The following CIC variants were observed in gnomAD, a reference collection of about 807,000 sequenced individuals.
The protein encoded by CIC is protein capicua homolog.
CIC carries 18 observed loss-of-function variants against 115.7 expected under a neutral mutation model. The observed-to-expected ratio is 0.16, with a 90% confidence interval of 0.11 to 0.23. The LOEUF is 0.23. Among genes scored for constraint, CIC ranks in the 10% least tolerant of loss-of-function variants. CIC has a pLI of 1.00. For missense variants in CIC, 2,000 were observed against 2,159.3 expected, an observed-to-expected ratio of 0.93 and a Z score of 1.46; for synonymous variants, 1,076 against 923.0, an observed-to-expected ratio of 1.17 and a Z score of -3.01.
rs1054519294 is a variant in CIC at position 42,272,290 on chromosome 19, C to T, written c.507C>T (p.Ser169=). The T allele has an allele frequency of 1.0e-4, 40 of 398,588 alleles. No individual in the cohort carries two copies. In the South Asian group the frequency reaches 1.5e-3, roughly 15 times the overall value. The allele number at this position is 398,588 out of a possible 1,614,324, so 24.7% of individuals were successfully genotyped here. A position where few individuals can be genotyped will look rare whatever the true frequency, so the allele number is the denominator to read the frequency against. The change falls in exon 2 of 21, where the codon AGC becomes AGT. Residue 169 remains serine, a synonymous_variant. Transcript: ENST00000681038. ...STRSSSTDTA[S]EHSADLEDEP... is the part of the protein sequence containing the mutation. ...GTTCCTCCTCCACTGACACAGCCAG[C>T]GAGCACTCGGCGGACCTGGAGGATG...
Position 42,287,515 on chromosome 19 carries a change from CTG to C in CIC, c.3310-28_3310-27del, listed in dbSNP as rs767494967. On this transcript the variant is annotated intron_variant, in intron 5 of 20. Coordinates refer to ENST00000681038, the MANE Select transcript of CIC (RefSeq NM_001386298.1). The surrounding 1 kb of genome is among the most constrained non-coding windows in gnomAD (Gnocchi z 8.7). ...CCCACACCTGTCTGCCAGGTCCTAA[CTG>C]TCCCGCTCTGGGCTGTGTTTAATGC... 6.2e-7 allele frequency: 1 copy of C among 1,612,622 alleles called. No individual in the cohort carries two copies. The highest frequency in any genetic ancestry group is 8.5e-7 in the Non-Finnish European group (1 of 1,180,030).
In CIC at chr19:42,288,956, A is replaced by G; in HGVS notation, c.3727A>G (p.Ser1243Gly). The G allele has an allele frequency of 6.2e-7, 1 of 1,614,106 alleles. No individual in the cohort carries two copies. The highest frequency in any genetic ancestry group is 8.5e-7 in the Non-Finnish European group (1 of 1,180,042). Reference sequence around the variant, plus strand: ...CTCAGACACCAAGGCTCCGGGGAGCAGCTCCTGTGGGGCAGAACGGCTACA... The same window carrying G: ...CTCAGACACCAAGGCTCCGGGGAGCGGCTCCTGTGGGGCAGAACGGCTACA... ...LSSDTKAPGS[S>G]SCGAERLHTV... Residue 1243 changes from serine (S) to glycine (G), a missense_variant, in exon 8 of 21, where the codon AGC becomes GGC. Transcript: ENST00000681038.
At chr19:42,294,384 G>A (rs962925344) in intron 19 of CIC, 80 bp downstream of exon 19, 3 of 1,596,176 alleles carry the variant, frequency 1.9e-6, no homozygotes, top group Non-Finnish European at 2.6e-6. Context: ...GAGAGTGAGA[G>A]AGGTAGGGTG....
In CIC at chr19:42,287,232, T is replaced by C; in HGVS notation, c.3171T>C (p.His1057=). Residue 1057 remains histidine (H), a synonymous_variant, in exon 4 of 21, where the codon CAT becomes CAC. Transcript: ENST00000681038. The surrounding 1 kb of genome is among the most constrained non-coding windows in gnomAD (Gnocchi z 8.7). ...TGGACAGTGAGACAGAGAGTGACCATGATGATGCGTGAGTTCCCTGAGGCC... is the reference window on the plus strand; with the variant it reads ...TGGACAGTGAGACAGAGAGTGACCACGATGATGCGTGAGTTCCCTGAGGCC... The part of the protein sequence containing the change: ...PRLDSETESD[H]DDAFLSIMSP... 6.2e-7 allele frequency: 1 copy of C among 1,613,778 alleles called. No homozygotes were observed. The highest frequency in any genetic ancestry group is 1.1e-5 in the South Asian group (1 of 91,070).
At chr19:42,294,139 G>A (rs2038351889) in intron 18 of CIC, 34 bp from the exon 19 acceptor site, 3 of 1,613,814 alleles carry the variant, frequency 1.9e-6, no homozygotes, top group African/African-American at 2.7e-5. Flanking sequence ...GCAGACTGGG[G>A]CCACCTGCAC....
At chr19:42,294,360 C>G in intron 19 of CIC, 56 bp downstream of exon 19, 3 of 1,606,262 alleles carry the variant, frequency 1.9e-6, no homozygotes, top group Non-Finnish European at 2.5e-6. Context: ...GAGTGGGTCT[C>G]TGGAAGGCGG....
In CIC at chr19:42,288,966, G is replaced by A. The variant is rs1267692674; in HGVS notation, c.3737G>A (p.Gly1246Glu). The change falls in exon 8 of 21, where the codon GGG (glycine) becomes GAG (glutamate). Residue 1246 changes from glycine (G) to glutamate (E), a missense_variant. This residue lies in a region of CIC where 1,466 missense variants were observed against 1,390.4 expected (regional missense o/e 1.05). Transcript: ENST00000681038. ...AAGGCTCCGGGGAGCAGCTCCTGTG[G>A]GGCAGAACGGCTACACACAGTTGGG... ...DTKAPGSSSC[G>E]AERLHTVGGP... is the part of the protein sequence containing the mutation. 2.5e-6 allele frequency: 4 copies of A among 1,613,966 alleles called. No individual in the cohort carries two copies. The highest frequency in any genetic ancestry group is 3.4e-6 in the Non-Finnish European group (4 of 1,180,050).
chr19:42,281,076 G>A (rs2037220905), intron 2 of CIC, among the ~76,000 whole-genome samples: 1 of 137,258 alleles, frequency 7.3e-6, no homozygotes, highest in Admixed American at 7.4e-5. Flanking sequence ...GCCGAGCCGC[G>A]CCAGCCCAAT....
chr19:42,291,945 A>T, intron 12 of CIC, 141 bp from the exon 13 acceptor site: 1 of 1,349,816 alleles, frequency 7.4e-7, no homozygotes. Context: ...CCCACCTCTC[A>T]CTGTCATCTT....
chr19:42,280,714 CG>C lies in CIC; in HGVS notation c.2795-6052del, dbSNP rs1218965903. 3.9e-5 allele frequency among the ~76,000 whole-genome samples: 6 copies of C among 152,038 alleles called. No individual in the cohort carries two copies. Among genetic ancestry groups the C allele is most frequent in the Non-Finnish European group, 7.4e-5 (5 of 67,986 alleles). On this transcript the variant is annotated intron_variant, in intron 2 of 20. Coordinates refer to ENST00000681038, the MANE Select transcript of CIC (RefSeq NM_001386298.1). The surrounding 1 kb of genome is among the most constrained non-coding windows in gnomAD (Gnocchi z 4.9). The stretch of plus-strand genomic sequence containing the variant: ...CACAAAGCGGCTTTGTGGAGCCTGC[CG>C]GGGGTTGGCTGGGGGCCAGGCGGCG...
chr19:42,283,367 GGTGAT>G (rs903127668), intron 2 of CIC, among the ~76,000 whole-genome samples: 12 of 152,092 alleles, frequency 7.9e-5, no homozygotes, highest in African/African-American at 2.7e-4. Flanking sequence ...GGATGAGATG[GGTGAT>G]GTGAACAGGA....
chr19:42,282,943 C>G (rs1011873680), intron 2 of CIC, among the ~76,000 whole-genome samples: 3 of 152,040 alleles, frequency 2.0e-5, no homozygotes, highest in Non-Finnish European at 2.9e-5. Context: ...ATGGTGTGCT[C>G]TGTGGTTCCC....
intron 20 of CIC, 32 bp downstream of exon 20, chr19:42,294,767 G>A (rs766572549): frequency 1.2e-5 from 19 of 1,610,924 alleles, no homozygotes; most frequent in Admixed American, 1.7e-5. Context: ...GGGGTCACTC[G>A]GGTGGGACTT....
intron 2 of CIC, among the ~76,000 whole-genome samples, chr19:42,277,387 G>A (rs1404925014): frequency 2.0e-5 from 3 of 152,080 alleles, no homozygotes; most frequent in African/African-American, 2.4e-5. Flanking sequence ...GTGCCACCAC[G>A]CCCGGCTAAT....
rs2147229164 is a variant in CIC, at chr19:42,289,074, T to A, written c.3845T>A (p.Leu1282Gln). 2 of 1,613,616 alleles carry A rather than the reference T, an allele frequency of 1.2e-6. No homozygotes were observed. The highest frequency in any genetic ancestry group is 1.7e-6 in the Non-Finnish European group (2 of 1,180,030). The change falls in exon 8 of 21, where the codon CTA becomes CAA. Residue 1282 changes from leucine (L) to glutamine (Q), a missense_variant. Physicochemically the swap from Leu to Gln is moderately radical, Grantham distance 113. Around this residue, in one of 8 missense-constraint regions of CIC, gnomAD observed 1,466 missense variants for 1,390.4 expected, o/e 1.05. Coordinates refer to ENST00000681038, the MANE Select transcript of CIC (RefSeq NM_001386298.1). ...GGCGGAGAAGTAGACAGTCAGGCGC[T>A]ACAGGAACTGACGCAGGTCTAGGGT... ...LDGGEVDSQA[L>Q]QELTQMVSGP...
chr19:42,275,611 C>T (rs1362181846), intron 2 of CIC, among the ~76,000 whole-genome samples: 1 of 152,174 alleles, frequency 6.6e-6, no homozygotes, highest in Non-Finnish European at 1.5e-5. Context: ...AGGAGCAACA[C>T]AGAGAGGGTG....
In CIC at chr19:42,290,711, C is replaced by T. The variant is rs1210172110; in HGVS notation, c.4670C>T (p.Pro1557Leu). 3.6e-5 allele frequency: 58 copies of T among 1,612,470 alleles called. No homozygotes were observed. Among genetic ancestry groups the T allele is most frequent in the Non-Finnish European group, 4.5e-5 (53 of 1,179,774 alleles). ...EEQEGGGARVPSAPAPSLAYG... is the reference protein window; with the variant it reads ...EEQEGGGARVLSAPAPSLAYG... ...CAAGAGGGCGGCGGAGCCAGAGTGC[C>T]CTCCGCCCCCGCCCCATCACTGGCC... Residue 1557 changes from proline to leucine, a missense_variant, in exon 11 of 21, where the codon CCC becomes CTC. This residue lies in a region of CIC where 1,466 missense variants were observed against 1,390.4 expected (regional missense o/e 1.05). Transcript: ENST00000681038.
At position 42,286,994 on chromosome 19, in the gene CIC, C is replaced by T. The variant is rs778866892; in HGVS notation, c.2945-12C>T. ...GGCCTAGGAGCCCTCTGATCTACCT[C>T]TGTGTCCCCAGAACCTGCTGAGTCG... is the stretch of plus-strand genomic sequence containing the variant. On this transcript the variant is annotated splice_polypyrimidine_tract_variant and intron_variant, in intron 3 of 20. Coordinates refer to ENST00000681038, the MANE Select transcript of CIC (RefSeq NM_001386298.1). The T allele has an allele frequency of 1.2e-6, 2 of 1,608,884 alleles. No homozygotes were observed. The highest frequency in any genetic ancestry group is 2.2e-5 in the East Asian group (1 of 44,872).
intron 2 of CIC, among the ~76,000 whole-genome samples, chr19:42,279,215 A>G (rs1024275768): frequency 1.3e-5 from 2 of 152,224 alleles, no homozygotes; most frequent in African/African-American, 4.8e-5. Flanking sequence ...ACTGCCCACC[A>G]TAATTTCCAT....
Sources: gnomAD v4.1 joint callset for allele counts (sites outside exome capture counted in the v4.1 genomes callset) on GRCh38, gnomAD v4.1.1 for gene constraint, gnomAD v4.1.1 regional missense constraint, Gnocchi (gnomAD v3.1) non-coding constraint, MANE v1.5 for transcripts, NCBI Gene and HGNC (gene_info 2026-07-23, HGNC 2026-07-21) for gene names.